AKAP6: variants seen among roughly 807,000 people sequenced by gnomAD.
AKAP6 encodes A-kinase anchoring protein 6, also known as A-kinase anchor protein 6.
AKAP6 carries 58 observed loss-of-function variants against 188.5 expected under a neutral mutation model. The observed-to-expected ratio is 0.31, with a 90% CI of 0.25 to 0.38. The LOEUF (loss-of-function observed/expected upper bound fraction) is 0.38. Ranked by LOEUF, AKAP6 falls within the 10% of genes least tolerant of loss-of-function variation. The pLI is 1.00. For missense variants in AKAP6, 2,710 were observed against 2,740.0 expected (o/e 0.99, Z 0.24); for synonymous variants, 989 against 998.6 (o/e 0.99, Z 0.18).
intron 2 of AKAP6, among the ~76,000 whole-genome samples, chr14:32,518,103 G>A (rs1881617929): frequency 1.3e-5 from 2 of 152,166 alleles, no homozygotes; most frequent in Admixed American, 1.3e-4. Flanking sequence ...TGGACCTCCA[G>A]CAAACTCCAA....
intron 11 of AKAP6, among the ~76,000 whole-genome samples, chr14:32,763,987 G>A (rs959903699): frequency 2.0e-5 from 3 of 152,090 alleles, no homozygotes; most frequent in African/African-American, 7.2e-5. Context: ...TATATGCAAG[G>A]TATAGTTAAA....
intron 11 of AKAP6, among the ~76,000 whole-genome samples, chr14:32,749,173 G>GT (rs1360233300): frequency 6.6e-6 from 1 of 152,174 alleles, no homozygotes; most frequent in Non-Finnish European, 1.5e-5. Context: ...ATCTCAGGAA[G>GT]TAAGTTTTCT....
At chr14:32,376,319 G>A (rs1888156018) in intron 1 of AKAP6, among the ~76,000 whole-genome samples, 1 of 152,096 alleles carries the variant, frequency 6.6e-6, no homozygotes, top group Non-Finnish European at 1.5e-5. Context: ...TTCCTTAGTT[G>A]CTTTTAAGTG....
At position 32,345,901 on chromosome 14, in the gene AKAP6, C is replaced by A. The variant is rs73254662; in HGVS notation, c.-35+16493C>A. ...TCCCTCTATCCACAGATGCTTGAAG[C>A]CAGAGGTTTCCAAACTGTTTTGATT... On this transcript the variant is annotated intron_variant, in intron 1 of 13. Coordinates refer to ENST00000280979, the MANE Select transcript of AKAP6 (RefSeq NM_004274.5). 2.3e-3 allele frequency among the ~76,000 whole-genome samples: 357 copies of A among 152,246 alleles called. 1 individual carries two copies. Among genetic ancestry groups the A allele is most frequent in the African/African-American group, 7.5e-3 (312 of 41,530 alleles).
intron 1 of AKAP6, among the ~76,000 whole-genome samples, chr14:32,423,971 T>C (rs755410009): frequency 6.6e-6 from 1 of 152,150 alleles, no homozygotes; most frequent in Non-Finnish European, 1.5e-5. Context: ...CTTTTAATCA[T>C]TTTGATCCAA....
At chr14:32,638,599 A>T (rs1025532449) in intron 7 of AKAP6, among the ~76,000 whole-genome samples, 2 of 152,096 alleles carry the variant, frequency 1.3e-5, no homozygotes, top group Non-Finnish European at 2.9e-5. Context: ...CCTGATCCAA[A>T]CAAAATGGTA....
chr14:32,629,248 A>G (rs1358844895), intron 7 of AKAP6, among the ~76,000 whole-genome samples: 2 of 152,094 alleles, frequency 1.3e-5, no homozygotes, highest in East Asian at 1.9e-4. Flanking sequence ...GATATTTGCT[A>G]GAAGAATTGA....
chr14:32,508,746 A>G lies in AKAP6; in HGVS notation c.325-26808A>G, dbSNP rs534803127. Among the ~76,000 whole-genome samples the G allele has an allele frequency of 6.0e-4, 92 of 152,318 alleles. No homozygotes were observed. In the Middle Eastern group the frequency reaches 0.01, roughly 17 times the overall value. On this transcript the variant is annotated intron_variant, in intron 2 of 13. Transcript: ENST00000280979. ...ACAAATATAGAATATGATCTAGAAAATTATATACCATTTTATATGAATAAT... is the reference window on the plus strand; with the variant it reads ...ACAAATATAGAATATGATCTAGAAAGTTATATACCATTTTATATGAATAAT...
chr14:32,437,179 G>A (rs894576686), intron 2 of AKAP6, among the ~76,000 whole-genome samples: 21 of 152,062 alleles, frequency 1.4e-4, no homozygotes, highest in Middle Eastern at 3.2e-3. Context: ...TTGTTACATG[G>A]CAGATTCTGG....
At chr14:32,620,945 G>A (rs1443137678) in intron 7 of AKAP6, among the ~76,000 whole-genome samples, 1 of 151,782 alleles carries the variant, frequency 6.6e-6, no homozygotes, top group Non-Finnish European at 1.5e-5. Context: ...TTTTAGTTGT[G>A]TGCATAGAGT....
chr14:32,762,192 T>G (rs1393163171), intron 11 of AKAP6, among the ~76,000 whole-genome samples: 1 of 152,080 alleles, frequency 6.6e-6, no homozygotes, highest in African/African-American at 2.4e-5. Context: ...TTAACAATAA[T>G]GGACATGTTT....
chr14:32,525,999 G>T (rs1882103051), intron 2 of AKAP6, among the ~76,000 whole-genome samples: 1 of 152,202 alleles, frequency 6.6e-6, no homozygotes, highest in Non-Finnish European at 1.5e-5. Flanking sequence ...ACTTTGGAGA[G>T]AAGTTCTGTG....
chr14:32,807,631 T>C (rs931734980), intron 12 of AKAP6, among the ~76,000 whole-genome samples: 2 of 152,208 alleles, frequency 1.3e-5, no homozygotes, highest in African/African-American at 4.8e-5. Context: ...TTAATAATGG[T>C]TTCTTCTTGT....
chr14:32,672,371 C>T (rs1889241039), intron 7 of AKAP6, among the ~76,000 whole-genome samples: 1 of 152,166 alleles, frequency 6.6e-6, no homozygotes, highest in Non-Finnish European at 1.5e-5. Context: ...GGTGGCTAAA[C>T]AGCAGAAATT....
In AKAP6 at chr14:32,535,602, C is replaced by A. The variant is rs1882635125; in HGVS notation, c.373C>A (p.Leu125Ile). The change falls in exon 3 of 14, where the codon CTT becomes ATT. Residue 125 changes from leucine (L) to isoleucine (I), a missense_variant. Physicochemically the swap from Leu to Ile is conservative, Grantham distance 5. This residue lies in a region of AKAP6 where 237 missense variants were observed against 313.9 expected (regional missense o/e 0.76). Coordinates refer to ENST00000280979, the MANE Select transcript of AKAP6 (RefSeq NM_004274.5). ...SDHVEQIHAL[L>I]ETEFSLKLLS... ...TCATGTTGAGCAAATCCATGCCCTCCTTGAAACAGAGTTCTCCCTAAAGCT... is the reference window on the plus strand; with the variant it reads ...TCATGTTGAGCAAATCCATGCCCTCATTGAAACAGAGTTCTCCCTAAAGCT... The A allele has an allele frequency of 6.2e-7, 1 of 1,614,042 alleles. No individual in the cohort carries two copies. Among genetic ancestry groups the A allele is most frequent in the Non-Finnish European group, 8.5e-7 (1 of 1,179,990 alleles).
chr14:32,694,501 T>C (rs1417334628), intron 8 of AKAP6, among the ~76,000 whole-genome samples: 1 of 152,208 alleles, frequency 6.6e-6, no homozygotes, highest in African/African-American at 2.4e-5. Context: ...TCACCGTATG[T>C]GCATTGTAGT....
Position 32,402,879 on chromosome 14 carries a change from G to A in AKAP6, c.-34-30581G>A, listed in dbSNP as rs1044468485. 2.6e-5 allele frequency among the ~76,000 whole-genome samples: 4 copies of A among 151,998 alleles called. 1 individual carries two copies. The highest frequency in any genetic ancestry group is 6.6e-5 in the Admixed American group (1 of 15,250). On this transcript the variant is annotated intron_variant, in intron 1 of 13. Coordinates refer to ENST00000280979, the MANE Select transcript of AKAP6 (RefSeq NM_004274.5). ...TGAGTAGCTGGGACTACAGGCACAT[G>A]CCACCACACCTGGCTAATTTTTTTG...
intron 12 of AKAP6, among the ~76,000 whole-genome samples, chr14:32,811,241 G>GAAAAAAAAAAAAA (rs529886144): frequency 5.4e-5 from 3 of 55,600 alleles, no homozygotes; most frequent in Non-Finnish European, 7.5e-5. Flanking sequence ...TCCGTCTCAG[G>GAAAAAAAAAAAAA]AAAAAAAAAA....
At chr14:32,660,924 ACC>A (rs1240351554) in intron 7 of AKAP6, among the ~76,000 whole-genome samples, 1,639 of 41,096 alleles carry the variant, frequency 0.04, 62 homozygotes, top group Non-Finnish European at 0.057. Context: ...CTTCCCCGCC[ACC>A]CCCCCCCCTC....
Sources: allele counts gnomAD v4.1 joint callset (sites outside exome capture counted in the v4.1 genomes callset), GRCh38; gene constraint gnomAD v4.1.1; regional missense constraint gnomAD v4.1.1; transcripts MANE v1.5; gene names NCBI Gene and HGNC (gene_info 2026-07-23, HGNC 2026-07-21).